Variants in FMO3 observed in about 807,000 individuals in gnomAD.
FMO3 encodes flavin-containing monooxygenase 3.
Under a neutral mutation model 39.4 loss-of-function variants are expected in FMO3, and 40 were observed. The ratio of observed to expected loss-of-function variants is 1.02; its 90% CI spans 0.79 to 1.32. The LOEUF is 1.32. Among genes scored for constraint, FMO3 ranks in the 40% most tolerant of loss-of-function variants. FMO3 has a pLI of 0.00. For synonymous variants in FMO3, 219 were observed against 228.8 expected (o/e 0.96, Z 0.39); for missense variants, 680 against 651.8 (o/e 1.04, Z -0.47).
At chr1:171,111,095 A>G in intron 6 of FMO3, 98 bp downstream of exon 6, 3 of 906,874 alleles carry the variant, frequency 3.3e-6, no homozygotes, top group Non-Finnish European at 5.5e-6. Flanking sequence ...AGTATTAGCA[A>G]TCACAACTCA....
chr1:171,092,400 T>G (rs1004755329), intron 1 of FMO3, among the ~76,000 whole-genome samples: 9 of 151,962 alleles, frequency 5.9e-5, no homozygotes, highest in Non-Finnish European at 1.2e-4. Context: ...TGTTTGTTTT[T>G]TGTTTTGTTT....
At chr1:171,102,509 T>C (rs1271546976) in intron 2 of FMO3, among the ~76,000 whole-genome samples, 1 of 152,230 alleles carries the variant, frequency 6.6e-6, no homozygotes, top group African/African-American at 2.4e-5. Flanking sequence ...AGATGTGTCC[T>C]ATGGTAAGCT....
chr1:171,117,232 T>A lies in FMO3; in HGVS notation c.1389T>A (p.Phe463Leu). 2 of 1,614,202 alleles carry A rather than the reference T, an allele frequency of 1.2e-6. No individual in the cohort carries two copies. Among genetic ancestry groups the A allele is most frequent in the East Asian group, 2.2e-5 (1 of 44,878 alleles). Residue 463 changes from phenylalanine (F) to leucine (L), a missense_variant, in exon 9 of 9, where the codon TTT becomes TTA. Coordinates refer to ENST00000367755, the MANE Select transcript of FMO3 (RefSeq NM_001002294.3). ...TDPKLAMEVY[F>L]GPCSPYQFRL... Reference sequence around the variant, plus strand: ...CCAAATTGGCCATGGAAGTTTATTTTGGCCCTTGTAGTCCCTACCAGTTTA... The same window carrying A: ...CCAAATTGGCCATGGAAGTTTATTTAGGCCCTTGTAGTCCCTACCAGTTTA...
At chr1:171,096,701 ATAT>A (rs1459779708) in intron 2 of FMO3, among the ~76,000 whole-genome samples, 7 of 134,750 alleles carry the variant, frequency 5.2e-5, no homozygotes, top group South Asian at 2.4e-4. Flanking sequence ...TAATATAATT[ATAT>A]AAAAATTAAT....
chr1:171,116,398 A>G (rs748534323), intron 8 of FMO3, 118 bp downstream of exon 8: 6 of 643,726 alleles, frequency 9.3e-6, no homozygotes, highest in African/African-American at 1.8e-5. Context: ...AATGACAACT[A>G]CAAGCTATAT....
chr1:171,105,064 T>TA (rs1360374617), intron 3 of FMO3, among the ~76,000 whole-genome samples: 12 of 131,702 alleles, frequency 9.1e-5, no homozygotes, highest in South Asian at 8.3e-4. Flanking sequence ...TCTCAATTTT[T>TA]TAAAAAAATC....
chr1:171,100,651 A>G (rs1655338401), intron 2 of FMO3: 1 of 156,040 alleles, frequency 6.4e-6, no homozygotes. Flanking sequence ...TTGAAAATAT[A>G]TAAATGAGAG....
intron 7 of FMO3, among the ~76,000 whole-genome samples, 180 bp downstream of exon 7, chr1:171,114,542 T>C: frequency 6.6e-6 from 1 of 152,220 alleles, no homozygotes; most frequent in East Asian, 1.9e-4. Context: ...TGGATTATTG[T>C]ATGAAATACT....
At chr1:171,104,830 C>A (rs151072108) in intron 3 of FMO3, among the ~76,000 whole-genome samples, 1 of 151,864 alleles carries the variant, frequency 6.6e-6, no homozygotes, top group African/African-American at 2.4e-5. Context: ...GCTGAGATCA[C>A]GCCACTGCAC....
chr1:171,091,158 A>C (rs1654683142), intron 1 of FMO3, among the ~76,000 whole-genome samples, 177 bp downstream of exon 1: 1 of 150,600 alleles, frequency 6.6e-6, no homozygotes, highest in Non-Finnish European at 1.5e-5. Flanking sequence ...TCTGGGAGGC[A>C]GAGGTTGCAG....
rs769983049 is a variant in FMO3, at chr1:171,108,154, T to G, written c.560T>G (p.Val187Gly). 9.3e-6 allele frequency: 15 copies of G among 1,613,838 alleles called. No individual in the cohort carries two copies. In the East Asian group the frequency reaches 3.1e-4, roughly 34 times the overall value. The change falls in exon 5 of 9, where the codon GTC becomes GGC. Residue 187 changes from valine (V) to glycine (G), a missense_variant. Transcript: ENST00000367755. ...KEPGVFNGKR[V>G]LVVGLGNSGC... ...CCAGGTGTATTCAATGGAAAGCGTGTCCTGGTGGTTGGCCTGGGGAATTCG... is the reference window on the plus strand; with the variant it reads ...CCAGGTGTATTCAATGGAAAGCGTGGCCTGGTGGTTGGCCTGGGGAATTCG...
intron 5 of FMO3, among the ~76,000 whole-genome samples, chr1:171,108,776 T>C (rs1264394585): frequency 6.6e-6 from 1 of 152,114 alleles, no homozygotes; most frequent in African/African-American, 2.4e-5. Flanking sequence ...ATAACAGGCA[T>C]GATCCCTGCT....
intron 7 of FMO3, among the ~76,000 whole-genome samples, chr1:171,115,698 G>C (rs576865123): frequency 2.6e-5 from 4 of 152,294 alleles, no homozygotes; most frequent in African/African-American, 9.6e-5. Flanking sequence ...CCCCAAGTCA[G>C]ATCTAGTCTC....
intron 3 of FMO3, among the ~76,000 whole-genome samples, chr1:171,107,336 A>AGAAC (rs1655688628): frequency 6.6e-6 from 1 of 152,242 alleles, no homozygotes; most frequent in East Asian, 1.9e-4. Flanking sequence ...ATACTGAACC[A>AGAAC]GAACATACAG....
chr1:171,096,785 A>ACAATAT (rs200231428), intron 2 of FMO3, among the ~76,000 whole-genome samples: 18 of 138,144 alleles, frequency 1.3e-4, no homozygotes, highest in African/African-American at 4.7e-4. Context: ...AATTATATTA[A>ACAATAT]AAATATATAT....
rs1228257104 is a variant in FMO3 at position 171,093,827 on chromosome 1, C to CTTTTTTTTTTT, written c.132+1052_132+1062dup. Among the ~76,000 whole-genome samples the CTTTTTTTTTTT allele has an allele frequency of 3.1e-4, 23 of 75,308 alleles. 1 individual carries two copies. The highest frequency in any genetic ancestry group is 1.5e-3 in the East Asian group (3 of 1,958). 49.4% of individuals were successfully genotyped at this position (75,308 alleles called of 152,430 possible). A position where few individuals can be genotyped will look rare whatever the true frequency, so the allele number is the denominator to read the frequency against. ...CTTTTCTCCACATACTCACTAATAT[C>CTTTTTTTTTTT]TTTTTTTTTTTTTTTTTTTTTTTTT... On this transcript the variant is annotated intron_variant, in intron 2 of 8. Transcript: ENST00000367755.
At chr1:171,102,803 A>G (rs554986904) in intron 2 of FMO3, among the ~76,000 whole-genome samples, 1 of 152,260 alleles carries the variant, frequency 6.6e-6, no homozygotes, top group South Asian at 2.1e-4. Flanking sequence ...ATCACTTAAC[A>G]TTTCCTCTAA....
chr1:171,110,468 C>CTTTT (rs1234315285), intron 5 of FMO3, among the ~76,000 whole-genome samples: 1 of 152,092 alleles, frequency 6.6e-6, no homozygotes, highest in Admixed American at 6.5e-5. Context: ...TCAATACTTC[C>CTTTT]ACAGGAAGGG....
At chr1:171,096,157 A>AT (rs1655024613) in intron 2 of FMO3, among the ~76,000 whole-genome samples, 1 of 76,652 alleles carries the variant, frequency 1.3e-5, no homozygotes, top group African/African-American at 6.0e-5. Context: ...ATATGAATAT[A>AT]TAATATATAT....
Sources: allele counts gnomAD v4.1 joint callset (sites outside exome capture counted in the v4.1 genomes callset), GRCh38; gene constraint gnomAD v4.1.1; transcripts MANE v1.5; gene names NCBI Gene and HGNC (gene_info 2026-07-23, HGNC 2026-07-21).